The following CNTNAP2 variants were observed in gnomAD, a reference collection of about 807,000 sequenced individuals.
CNTNAP2 encodes contactin-associated protein-like 2.
A neutral mutation model predicts 155.2 loss-of-function variants in CNTNAP2; 98 were observed. The ratio of observed to expected loss-of-function variants is 0.63; its 90% CI spans 0.54 to 0.75. The LOEUF is 0.75. Among genes scored for constraint, CNTNAP2 ranks in the 30% least tolerant of loss-of-function variants. The pLI, the probability that CNTNAP2 is intolerant of heterozygous loss-of-function variation, is 0.00. For missense variants in CNTNAP2, 1,727 were observed against 1,688.1 expected, an observed-to-expected ratio of 1.02 and a Z score of -0.40; for synonymous variants, 651 against 631.2, an observed-to-expected ratio of 1.03 and a Z score of -0.47.
At chr7:146,517,756 T>C (rs1250213328) in intron 1 of CNTNAP2, among the ~76,000 whole-genome samples, 2 of 151,904 alleles carry the variant, frequency 1.3e-5, no homozygotes, top group Non-Finnish European at 2.9e-5. Context: ...ATTAGTTCAA[T>C]TGATAGCACA....
At chr7:146,213,529 T>C (rs1432162728) in intron 1 of CNTNAP2, among the ~76,000 whole-genome samples, 3 of 152,232 alleles carry the variant, frequency 2.0e-5, no homozygotes, top group African/African-American at 4.8e-5. Context: ...GATTGTTGTA[T>C]GTTGGGCAAC....
At chr7:147,950,812 T>C (rs1292793870) in intron 14 of CNTNAP2, among the ~76,000 whole-genome samples, 1 of 152,230 alleles carries the variant, frequency 6.6e-6, no homozygotes, top group East Asian at 1.9e-4. Flanking sequence ...TTGTTGTCCC[T>C]GTATTGGGAG....
At chr7:146,661,374 G>GTA (rs1300872089) in intron 1 of CNTNAP2, among the ~76,000 whole-genome samples, 1 of 151,778 alleles carries the variant, frequency 6.6e-6, no homozygotes, top group Admixed American at 6.6e-5. Context: ...TTTGGCAAAG[G>GTA]TATGCAGTCA....
chr7:148,220,348 C>T (rs1194094501), intron 19 of CNTNAP2, among the ~76,000 whole-genome samples: 2 of 152,172 alleles, frequency 1.3e-5, no homozygotes, highest in African/African-American at 2.4e-5. Context: ...GTGATCCGCC[C>T]GCCTCGGCCT....
intron 13 of CNTNAP2, among the ~76,000 whole-genome samples, chr7:147,896,162 C>T (rs1183417017): frequency 6.6e-6 from 1 of 152,170 alleles, no homozygotes; most frequent in African/African-American, 2.4e-5. Flanking sequence ...CACCTCCTTG[C>T]ACCTGTACTC....
At chr7:146,989,845 A>T (rs1798178428) in intron 3 of CNTNAP2, among the ~76,000 whole-genome samples, 1 of 151,946 alleles carries the variant, frequency 6.6e-6, no homozygotes, top group African/African-American at 2.4e-5. Flanking sequence ...AAGAACAACC[A>T]CTGTCTGTCT....
chr7:147,043,514 G>A (rs1799298659), intron 3 of CNTNAP2, among the ~76,000 whole-genome samples: 1 of 152,116 alleles, frequency 6.6e-6, no homozygotes, highest in African/African-American at 2.4e-5. Flanking sequence ...AATTTCTAAT[G>A]GTTTTATGGG....
At chr7:148,025,808 G>GA (rs975574916) in intron 15 of CNTNAP2, among the ~76,000 whole-genome samples, 3 of 152,086 alleles carry the variant, frequency 2.0e-5, no homozygotes, top group African/African-American at 7.2e-5. Flanking sequence ...CCTAATGAAT[G>GA]AAAAAATTAT....
intron 13 of CNTNAP2, among the ~76,000 whole-genome samples, chr7:147,849,437 G>A (rs1172494974): frequency 2.6e-5 from 4 of 152,208 alleles, no homozygotes; most frequent in Admixed American, 6.5e-5. Context: ...CTGAATAAGA[G>A]TCAGGATTTT....
chr7:147,607,791 T>A (rs1801101672), intron 12 of CNTNAP2, among the ~76,000 whole-genome samples: 1 of 152,184 alleles, frequency 6.6e-6, no homozygotes, highest in African/African-American at 2.4e-5. Context: ...TGGTACAACT[T>A]AAGTTTAAAC....
intron 21 of CNTNAP2, among the ~76,000 whole-genome samples, chr7:148,289,044 A>C (rs10263319): frequency 0.4 from 60,363 of 151,118 alleles, 12,671 homozygotes; most frequent in East Asian, 0.67. Flanking sequence ...TGGGATTCCT[A>C]CCTAGCAGGC....
At chr7:147,809,829 G>A (rs537083720) in intron 13 of CNTNAP2, among the ~76,000 whole-genome samples, 14 of 152,298 alleles carry the variant, frequency 9.2e-5, no homozygotes, top group East Asian at 1.9e-4. Flanking sequence ...TACTTGAAAC[G>A]TATGTTAGAA....
At chr7:146,811,580 C>T (rs1369887239) in intron 2 of CNTNAP2, among the ~76,000 whole-genome samples, 1 of 151,828 alleles carries the variant, frequency 6.6e-6, no homozygotes, top group Non-Finnish European at 1.5e-5. Flanking sequence ...TTCAAAAAAA[C>T]TCAGTTTCAT....
At chr7:147,652,038 A>C (rs1389847582) in intron 13 of CNTNAP2, among the ~76,000 whole-genome samples, 3 of 152,182 alleles carry the variant, frequency 2.0e-5, no homozygotes, top group Admixed American at 1.3e-4. Flanking sequence ...CGGTTGAAGA[A>C]ACTCATCCTT....
At chr7:146,620,194 C>T (rs954659288) in intron 1 of CNTNAP2, among the ~76,000 whole-genome samples, 8 of 152,130 alleles carry the variant, frequency 5.3e-5, no homozygotes, top group African/African-American at 1.9e-4. Context: ...CATAAAAGAA[C>T]TTAAGCAGGG....
At chr7:147,547,944 C>A (rs1309241894) in intron 11 of CNTNAP2, among the ~76,000 whole-genome samples, 2 of 152,074 alleles carry the variant, frequency 1.3e-5, no homozygotes, top group Non-Finnish European at 2.9e-5. Context: ...AATCTCATTC[C>A]TTTTTATGGC....
chr7:147,828,112 G>A (rs1798489359), intron 13 of CNTNAP2, among the ~76,000 whole-genome samples: 1 of 152,306 alleles, frequency 6.6e-6, no homozygotes, highest in African/African-American at 2.4e-5. Context: ...AGAAATGGGT[G>A]AATGTAGTAT....
At chr7:146,432,455 A>G (rs953096624) in intron 1 of CNTNAP2, among the ~76,000 whole-genome samples, 10 of 152,116 alleles carry the variant, frequency 6.6e-5, no homozygotes, top group African/African-American at 2.2e-4. Flanking sequence ...TCTTCTAAAT[A>G]TAAATTCTCA....
At chr7:146,924,259 ATCTT>A (rs1201034555) in intron 3 of CNTNAP2, among the ~76,000 whole-genome samples, 2 of 151,936 alleles carry the variant, frequency 1.3e-5, no homozygotes, top group Admixed American at 6.6e-5. Context: ...TTAAATTTTT[ATCTT>A]TCTTTAAGAA....
Sources: gnomAD v4.1 joint callset for allele counts (sites outside exome capture counted in the v4.1 genomes callset) on GRCh38, gnomAD v4.1.1 for gene constraint, MANE v1.5 for transcripts, NCBI Gene and HGNC (gene_info 2026-07-23, HGNC 2026-07-21) for gene names.